CHRM3: variants seen among roughly 807,000 people sequenced by gnomAD.
The protein encoded by CHRM3 is muscarinic acetylcholine receptor M3.
CHRM3 carries 11 observed loss-of-function variants against 41.8 expected under a neutral mutation model. The ratio of observed to expected loss-of-function variants is 0.26; its 90% CI spans 0.17 to 0.44. CHRM3 has a LOEUF of 0.44. Ranked by LOEUF, CHRM3 falls within the 20% of genes least tolerant of loss-of-function variation. The pLI, the probability that CHRM3 is intolerant of heterozygous loss-of-function variation, is 1.00. For missense variants in CHRM3, 571 were observed against 745.4 expected (o/e 0.77, Z 2.72); for synonymous variants, 297 against 301.4 (o/e 0.99, Z 0.15).
intron 5 of CHRM3, among the ~76,000 whole-genome samples, chr1:239,786,460 C>T (rs974165158): frequency 2.6e-5 from 4 of 152,028 alleles, no homozygotes; most frequent in East Asian, 3.9e-4. Context: ...AAGCTGAGAC[C>T]GAGAGAGGGT....
chr1:239,494,289 G>C (rs1305140660), intron 2 of CHRM3, among the ~76,000 whole-genome samples: 6 of 152,042 alleles, frequency 3.9e-5, no homozygotes, highest in African/African-American at 1.4e-4. Flanking sequence ...ATTGCCGTCT[G>C]CTGGTTCCTG....
intron 6 of CHRM3, among the ~76,000 whole-genome samples, chr1:239,845,654 C>A (rs1441351445): frequency 6.6e-6 from 1 of 152,170 alleles, no homozygotes; most frequent in Non-Finnish European, 1.5e-5. Flanking sequence ...ATGAAAAAGT[C>A]ATAATTTTAT....
chr1:239,699,763 A>G (rs566473727), intron 5 of CHRM3, among the ~76,000 whole-genome samples: 1 of 152,318 alleles, frequency 6.6e-6, no homozygotes, highest in East Asian at 1.9e-4. Context: ...GGAAACACTG[A>G]CTAAATGTTT....
chr1:239,888,931 C>T (rs554059062), intron 6 of CHRM3, among the ~76,000 whole-genome samples: 3 of 152,154 alleles, frequency 2.0e-5, no homozygotes, highest in Non-Finnish European at 2.9e-5. Flanking sequence ...CGGAGGACAA[C>T]CAAGTACGTT....
At chr1:239,862,145 A>G (rs949559789) in intron 6 of CHRM3, among the ~76,000 whole-genome samples, 2 of 152,220 alleles carry the variant, frequency 1.3e-5, no homozygotes, top group African/African-American at 4.8e-5. Context: ...TCTGAAGTCT[A>G]TGTAATTCCC....
At chr1:239,725,369 A>C (rs907326380) in intron 5 of CHRM3, among the ~76,000 whole-genome samples, 1 of 151,936 alleles carries the variant, frequency 6.6e-6, no homozygotes, top group Non-Finnish European at 1.5e-5. Flanking sequence ...CTGCATATAC[A>C]AATTAAAATT....
intron 4 of CHRM3, among the ~76,000 whole-genome samples, chr1:239,640,991 A>G (rs1055954415): frequency 6.6e-6 from 1 of 151,896 alleles, no homozygotes; most frequent in African/African-American, 2.4e-5. Flanking sequence ...GTTTCAAAGA[A>G]CATCTTTATT....
chr1:239,458,311 T>A (rs1317498409), intron 1 of CHRM3, among the ~76,000 whole-genome samples: 2 of 152,136 alleles, frequency 1.3e-5, no homozygotes, highest in African/African-American at 4.8e-5. Flanking sequence ...TTTCCAGGCA[T>A]ACTGAAGCCA....
At chr1:239,608,283 A>C (rs1463509510) in intron 3 of CHRM3, among the ~76,000 whole-genome samples, 1 of 152,214 alleles carries the variant, frequency 6.6e-6, no homozygotes, top group East Asian at 1.9e-4. Flanking sequence ...TGTAGGATGC[A>C]GCCCAAGTAT....
chr1:239,761,214 ATC>A (rs1324643803), intron 5 of CHRM3, among the ~76,000 whole-genome samples: 1 of 152,094 alleles, frequency 6.6e-6, no homozygotes, highest in African/African-American at 2.4e-5. Context: ...TGCATATTTT[ATC>A]TCTCGACGTT....
intron 5 of CHRM3, chr1:239,714,150 T>C (rs1229411914): frequency 1.3e-5 from 2 of 152,138 alleles, no homozygotes; most frequent in Admixed American, 1.3e-4. Context: ...TCCAGGATCT[T>C]CATTCATTAA....
chr1:239,596,340 A>G (rs1005686320), intron 3 of CHRM3, among the ~76,000 whole-genome samples: 1 of 152,038 alleles, frequency 6.6e-6, no homozygotes, highest in African/African-American at 2.4e-5. Context: ...TGTCCCTAAA[A>G]GTTTTATTTA....
At chr1:239,727,716 G>C (rs1663574978) in intron 5 of CHRM3, 2 of 151,744 alleles carry the variant, frequency 1.3e-5, no homozygotes, top group Non-Finnish European at 2.9e-5. Flanking sequence ...CTCGTGTGTC[G>C]TGTATTTGCA....
chr1:239,453,529 G>C (rs908886616), intron 1 of CHRM3, among the ~76,000 whole-genome samples: 1 of 151,938 alleles, frequency 6.6e-6, no homozygotes, highest in Admixed American at 6.6e-5. Flanking sequence ...ACACATTCTT[G>C]TCTTATTAGA....
chr1:239,889,012 C>G (rs917880534), intron 6 of CHRM3, among the ~76,000 whole-genome samples: 2 of 152,070 alleles, frequency 1.3e-5, no homozygotes, highest in Admixed American at 1.3e-4. Context: ...GGGGTGATAA[C>G]CAAGGTTCAC....
At chr1:239,567,916 T>G (rs1661497803) in intron 3 of CHRM3, among the ~76,000 whole-genome samples, 1 of 152,168 alleles carries the variant, frequency 6.6e-6, no homozygotes, top group Non-Finnish European at 1.5e-5. Flanking sequence ...TTCCTGCTGG[T>G]GGGTTCTCTC....
chr1:239,602,110 G>GTGTGTGTATA (rs1307023039), intron 3 of CHRM3, among the ~76,000 whole-genome samples: 14 of 112,842 alleles, frequency 1.2e-4, no homozygotes, highest in African/African-American at 3.8e-4. Context: ...GTGTGTGTGT[G>GTGTGTGTATA]TATATATATA....
chr1:239,800,600 T>C (rs926739920), intron 5 of CHRM3, among the ~76,000 whole-genome samples: 3 of 152,178 alleles, frequency 2.0e-5, no homozygotes, highest in Non-Finnish European at 4.4e-5. Flanking sequence ...GATTCTGCAA[T>C]TCTTACAACG....
intron 2 of CHRM3, among the ~76,000 whole-genome samples, chr1:239,516,760 C>G (rs1287933330): frequency 6.6e-6 from 1 of 152,164 alleles, no homozygotes; most frequent in Non-Finnish European, 1.5e-5. Context: ...GTCCAGCGAG[C>G]GAAACGTCTG....
Sources: gnomAD v4.1 joint callset for allele counts (sites outside exome capture counted in the v4.1 genomes callset) on GRCh38, gnomAD v4.1.1 for gene constraint, MANE v1.5 for transcripts, NCBI Gene and HGNC (gene_info 2026-07-23, HGNC 2026-07-21) for gene names.